ZBTB20: variants seen among roughly 807,000 people sequenced by gnomAD.
The protein encoded by ZBTB20 is zinc finger and BTB domain containing 20.
ZBTB20 carries 9 observed loss-of-function variants against 56.9 expected under a neutral mutation model. That is an observed-to-expected ratio of 0.16 (90% CI 0.10 to 0.28). The LOEUF (loss-of-function observed/expected upper bound fraction) is 0.28. Ranked by LOEUF, ZBTB20 falls within the 10% of genes least tolerant of loss-of-function variation. The pLI is 1.00. For synonymous variants in ZBTB20, 417 were observed against 420.7 expected, an observed-to-expected ratio of 0.99 and a Z score of 0.11; for missense variants, 655 against 1,003.0, an observed-to-expected ratio of 0.65 and a Z score of 4.69.
intron 5 of ZBTB20, among the ~76,000 whole-genome samples, chr3:114,796,098 T>G (rs2071324330): frequency 6.6e-6 from 1 of 151,998 alleles, no homozygotes; most frequent in Non-Finnish European, 1.5e-5. Context: ...CTCACAGTTT[T>G]GGAGGCTACA....
chr3:114,471,802 T>TC (rs1445239740), intron 7 of ZBTB20, among the ~76,000 whole-genome samples: 14 of 152,234 alleles, frequency 9.2e-5, no homozygotes, highest in African/African-American at 3.4e-4. Flanking sequence ...CTCAGTTGTC[T>TC]AACAAGATAT....
chr3:114,574,165 CAATAATTT>C (rs2053750025), intron 6 of ZBTB20, among the ~76,000 whole-genome samples: 1 of 151,860 alleles, frequency 6.6e-6, no homozygotes, highest in African/African-American at 2.4e-5. Context: ...TATGGATATT[CAATAATTT>C]AATAATTTCT....
Position 114,939,383 on chromosome 3 carries a change from A to T in ZBTB20, c.-456+34983T>A, listed in dbSNP as rs566109052. On this transcript the variant is annotated intron_variant, in intron 3 of 11. Coordinates refer to ENST00000675478, the MANE Select transcript of ZBTB20 (RefSeq NM_001348800.3). ...AAAATGCTGTGGCTATTACAATGGA[A>T]AACTTATATTTTAAGTAAAATTGAA... Among the ~76,000 whole-genome samples, 4 of 146,568 alleles carry T rather than the reference A, an allele frequency of 2.7e-5. 1 individual carries two copies. Among genetic ancestry groups the T allele is most frequent in the Admixed American group, 2.6e-4 (4 of 15,198 alleles).
intron 3 of ZBTB20, among the ~76,000 whole-genome samples, chr3:114,921,760 T>C (rs2075969297): frequency 6.6e-6 from 1 of 150,644 alleles, no homozygotes; most frequent in African/African-American, 2.4e-5. Context: ...ATATACCTAA[T>C]GTAAATGATG....
chr3:114,622,651 T>A (rs1394189655), intron 6 of ZBTB20, among the ~76,000 whole-genome samples: 2 of 152,180 alleles, frequency 1.3e-5, no homozygotes, highest in African/African-American at 2.4e-5. Flanking sequence ...TCTGAAGCAC[T>A]CAGTATAGCA....
At chr3:114,897,277 T>C (rs1386143413) in intron 4 of ZBTB20, among the ~76,000 whole-genome samples, 1 of 152,122 alleles carries the variant, frequency 6.6e-6, no homozygotes, top group Non-Finnish European at 1.5e-5. Context: ...CTGTATCCTC[T>C]TGAGAACAAA....
intron 6 of ZBTB20, among the ~76,000 whole-genome samples, chr3:114,556,284 C>G (rs557865384): frequency 2.6e-5 from 4 of 152,120 alleles, no homozygotes; most frequent in Non-Finnish European, 5.9e-5. Context: ...TCCTTGAAGT[C>G]CCCTGTACCT....
At chr3:115,105,422 T>A (rs2083692656) in intron 1 of ZBTB20, among the ~76,000 whole-genome samples, 1 of 152,136 alleles carries the variant, frequency 6.6e-6, no homozygotes, top group South Asian at 2.1e-4. Flanking sequence ...AGAGTTTATG[T>A]GTTTAATCCC....
At chr3:115,044,537 T>C (rs1194177461) in intron 2 of ZBTB20, among the ~76,000 whole-genome samples, 1 of 152,242 alleles carries the variant, frequency 6.6e-6, no homozygotes, top group African/African-American at 2.4e-5. Flanking sequence ...TAAACTTTAA[T>C]GACTACTTAT....
At chr3:114,397,745 A>T (rs1350608671) in intron 7 of ZBTB20, among the ~76,000 whole-genome samples, 2 of 152,124 alleles carry the variant, frequency 1.3e-5, no homozygotes, top group Non-Finnish European at 2.9e-5. Flanking sequence ...CAAACTCGCA[A>T]GTGTACACAG....
intron 5 of ZBTB20, among the ~76,000 whole-genome samples, chr3:114,789,492 T>C (rs1174491739): frequency 1.3e-5 from 2 of 152,164 alleles, no homozygotes; most frequent in East Asian, 3.8e-4. Flanking sequence ...AAAAACTTTA[T>C]AGGTTTTAAT....
chr3:114,639,797 CTT>C (rs1303538350), intron 6 of ZBTB20, among the ~76,000 whole-genome samples: 1 of 152,000 alleles, frequency 6.6e-6, no homozygotes, highest in Admixed American at 6.6e-5. Flanking sequence ...ACATGTAACA[CTT>C]TTGGGTCACC....
At position 114,776,782 on chromosome 3, in the gene ZBTB20, T is replaced by C. The variant is rs544249266; in HGVS notation, c.-343+24319A>G. 3.3e-5 allele frequency among the ~76,000 whole-genome samples: 5 copies of C among 152,218 alleles called. No homozygotes were observed. In the South Asian group the frequency reaches 8.3e-4, roughly 25 times the overall value. On this transcript the variant is annotated intron_variant, in intron 5 of 11. Transcript: ENST00000675478. ...CAAGGCTTGAAGACAAAATTCTCTG[T>C]GGAGATACTGGAGATATTAAGGGCA...
chr3:114,645,220 T>C (rs2059775468), intron 6 of ZBTB20, among the ~76,000 whole-genome samples: 1 of 152,150 alleles, frequency 6.6e-6, no homozygotes, highest in Admixed American at 6.5e-5. Flanking sequence ...ATCTTTTGTT[T>C]AAGAGTTCAT....
At chr3:114,826,329 G>A (rs1344697308) in intron 4 of ZBTB20, among the ~76,000 whole-genome samples, 1 of 151,436 alleles carries the variant, frequency 6.6e-6, no homozygotes, top group African/African-American at 2.4e-5. Flanking sequence ...CCCCAAGAAA[G>A]ACATCAGGCT....
At chr3:114,835,743 C>T (rs1449802448) in intron 4 of ZBTB20, among the ~76,000 whole-genome samples, 1 of 152,098 alleles carries the variant, frequency 6.6e-6, no homozygotes, top group Non-Finnish European at 1.5e-5. Flanking sequence ...ACCTAAAGAC[C>T]TTTTTGCTAA....
Position 114,682,578 on chromosome 3 carries a change from A to G in ZBTB20, c.-295+10950T>C, listed in dbSNP as rs138441434. 6.3e-3 allele frequency among the ~76,000 whole-genome samples: 956 copies of G among 152,274 alleles called. 10 individuals carry two copies. The highest frequency in any genetic ancestry group is 0.022 in the African/African-American group (899 of 41,560). On this transcript the variant is annotated intron_variant, in intron 6 of 11. Coordinates refer to ENST00000675478, the MANE Select transcript of ZBTB20 (RefSeq NM_001348800.3). ...GTGCTTACCATAATTGATGAATTCAAAACTAATCTATGATGAAAACCCCTG... is the reference window on the plus strand; with the variant it reads ...GTGCTTACCATAATTGATGAATTCAGAACTAATCTATGATGAAAACCCCTG...
intron 6 of ZBTB20, among the ~76,000 whole-genome samples, chr3:114,575,589 AAT>A (rs1257794278): frequency 1.6e-4 from 22 of 134,632 alleles, no homozygotes; most frequent in Admixed American, 1.3e-3. Flanking sequence ...ACCTTTAAAA[AAT>A]AAAAAAAAAA....
At chr3:114,403,715 T>C (rs1188982964) in intron 7 of ZBTB20, among the ~76,000 whole-genome samples, 1 of 151,980 alleles carries the variant, frequency 6.6e-6, no homozygotes, top group Non-Finnish European at 1.5e-5. Flanking sequence ...CAAACTTCAC[T>C]TCAAAAAAAT....
Sources: gnomAD v4.1 joint callset for allele counts (sites outside exome capture counted in the v4.1 genomes callset) on GRCh38, gnomAD v4.1.1 for gene constraint, MANE v1.5 for transcripts, NCBI Gene and HGNC (gene_info 2026-07-23, HGNC 2026-07-21) for gene names.